The following MIS18BP1 variants were observed in gnomAD, a reference collection of about 807,000 sequenced individuals.
MIS18BP1 encodes MIS18 binding protein 1, also known as mis18-binding protein 1.
In MIS18BP1, 72 loss-of-function variants were observed where a neutral mutation model predicts 116.1. The observed-to-expected ratio is 0.62, with a 90% CI of 0.51 to 0.75. The LOEUF (loss-of-function observed/expected upper bound fraction) is 0.75. Ranked by LOEUF, MIS18BP1 falls within the 30% of genes least tolerant of loss-of-function variation. MIS18BP1 has a pLI of 0.00. For missense variants in MIS18BP1, 1,363 were observed against 1,303.2 expected (o/e 1.05, Z -0.71); for synonymous variants, 386 against 427.0 (o/e 0.90, Z 1.18).
chr14:45,252,742 A>G (rs1891913052), intron 1 of MIS18BP1, among the ~76,000 whole-genome samples: 1 of 151,848 alleles, frequency 6.6e-6, no homozygotes, highest in African/African-American at 2.4e-5. Flanking sequence ...GGTACTGAGG[A>G]ATACAATTTT....
rs747867519 is a variant in MIS18BP1 at position 45,227,716 on chromosome 14, C to T, written c.1693G>A (p.Asp565Asn). ...TTTTGAATAGTATTATTTACTTGGT[C>T]ATCTGGGAACCTTAATGTTGGTTTA... is the stretch of plus-strand genomic sequence containing the variant. ...QNKPTLRFPD[D>N]QVNNTIQNGG... is the part of the protein sequence containing the mutation. Residue 565 changes from aspartate to asparagine, a missense_variant, in exon 9 of 17, where the codon GAC becomes AAC. Physicochemically the swap from Asp to Asn is conservative, Grantham distance 23 (BLOSUM62 1). Coordinates refer to ENST00000310806, the MANE Select transcript of MIS18BP1 (RefSeq NM_018353.5). The T allele has an allele frequency of 6.8e-6, 11 of 1,613,700 alleles. No individual in the cohort carries two copies. Among genetic ancestry groups the T allele is most frequent in the Non-Finnish European group, 9.3e-6 (11 of 1,179,788 alleles).
Position 45,224,493 on chromosome 14 carries a change from A to G in MIS18BP1, c.2094T>C (p.Thr698=). The change falls in exon 11 of 17, where the codon ACT becomes ACC. Residue 698 remains threonine, a synonymous_variant. Coordinates refer to ENST00000310806, the MANE Select transcript of MIS18BP1 (RefSeq NM_018353.5). The stretch of plus-strand genomic sequence containing the variant: ...TATGACCTTCAAATGTATTTTCTAA[A>G]GTCCCCATGGACTTGCTGATGGGAC... The part of the protein sequence containing the change: ...KKSPISKSMG[T]LENTFEGHKS... The G allele has an allele frequency of 6.2e-7, 1 of 1,613,648 alleles. No homozygotes were observed. The highest frequency in any genetic ancestry group is 2.2e-5 in the East Asian group (1 of 44,860).
In MIS18BP1 at chr14:45,242,531, C is replaced by A. The variant is rs752295882; in HGVS notation, c.659-13G>T. On this transcript the variant is annotated splice_polypyrimidine_tract_variant and intron_variant, in intron 3 of 16. Coordinates refer to ENST00000310806, the MANE Select transcript of MIS18BP1 (RefSeq NM_018353.5). ...AGAGTTGGAAGTTCTGCAAAAAATACAAAACAAAACAAAACAAAACAATTA... is the reference window on the plus strand; with the variant it reads ...AGAGTTGGAAGTTCTGCAAAAAATAAAAAACAAAACAAAACAAAACAATTA... 2 of 1,542,924 alleles carry A rather than the reference C, an allele frequency of 1.3e-6. No individual in the cohort carries two copies. The highest frequency in any genetic ancestry group is 1.7e-6 in the Non-Finnish European group (2 of 1,152,156).
chr14:45,213,457 T>G (rs567015983), intron 13 of MIS18BP1, among the ~76,000 whole-genome samples: 8 of 152,206 alleles, frequency 5.3e-5, no homozygotes, highest in South Asian at 2.1e-4. Flanking sequence ...TTCTCTTGTG[T>G]AAAACAGAGA....
chr14:45,242,909 A>T (rs750234139), intron 2 of MIS18BP1, 35 bp from the exon 3 acceptor site: 1 of 1,396,080 alleles, frequency 7.2e-7, no homozygotes, highest in Admixed American at 2.1e-5. Flanking sequence ...GAAGAAGTTG[A>T]ATTGTATTAG....
At chr14:45,226,353 G>A (rs544608400) in intron 10 of MIS18BP1, among the ~76,000 whole-genome samples, 1 of 152,086 alleles carries the variant, frequency 6.6e-6, no homozygotes, top group Non-Finnish European at 1.5e-5. Flanking sequence ...ACATTTAGAC[G>A]AAAGCCTCTA....
At chr14:45,251,983 G>A (rs1891886977) in intron 1 of MIS18BP1, among the ~76,000 whole-genome samples, 2 of 152,118 alleles carry the variant, frequency 1.3e-5, no homozygotes, top group South Asian at 4.1e-4. Flanking sequence ...GATATTTACT[G>A]AATATTTACA....
At position 45,226,797 on chromosome 14, in the gene MIS18BP1, T is replaced by G; in HGVS notation, c.1786A>C (p.Lys596Gln). 7.1e-7 allele frequency: 1 copy of G among 1,416,628 alleles called. No individual in the cohort carries two copies. The highest frequency in any genetic ancestry group is 1.5e-5 in the African/African-American group (1 of 68,642). The allele number at this position is 1,416,628 out of a possible 1,614,324, so 87.8% of individuals were successfully genotyped here. ...TTTGTTCTTTCACCAATTTTTAGTT[T>G]CTTTGAAGACATTTTATATTCTTTT... is the stretch of plus-strand genomic sequence containing the variant. ...GKKEYKMSSK[K>Q]LKIGERTNER... is the part of the protein sequence containing the mutation. The change falls in exon 10 of 17, where the codon AAA (lysine) becomes CAA (glutamine). Residue 596 changes from lysine to glutamine, a missense_variant. Physicochemically the swap from Lys to Gln is moderately conservative, Grantham distance 53. Coordinates refer to ENST00000310806, the MANE Select transcript of MIS18BP1 (RefSeq NM_018353.5).
intron 10 of MIS18BP1, among the ~76,000 whole-genome samples, chr14:45,225,817 T>C (rs1566811073): frequency 1.3e-5 from 2 of 152,194 alleles, no homozygotes; most frequent in East Asian, 1.9e-4. Flanking sequence ...CCCACTGTCA[T>C]AGAAACATAT....
chr14:45,216,680 T>C (rs932952347), intron 13 of MIS18BP1, among the ~76,000 whole-genome samples: 1 of 152,226 alleles, frequency 6.6e-6, no homozygotes, highest in Non-Finnish European at 1.5e-5. Flanking sequence ...CTACTATCAC[T>C]TAATCCCTCC....
chr14:45,210,650 A>G (rs1259727181), intron 13 of MIS18BP1, 122 bp from the exon 14 acceptor site: 6 of 1,197,820 alleles, frequency 5.0e-6, no homozygotes, highest in Non-Finnish European at 2.4e-6. Flanking sequence ...TAGATAATTA[A>G]AAACAGTAGT....
In MIS18BP1 at chr14:45,232,816, A is replaced by G; in HGVS notation, c.1353T>C (p.Tyr451=). The G allele has an allele frequency of 1.4e-6, 2 of 1,379,572 alleles. No homozygotes were observed. Among genetic ancestry groups the G allele is most frequent in the Non-Finnish European group, 2.0e-6 (2 of 996,782 alleles). The allele number at this position is 1,379,572 out of a possible 1,614,324, so 85.5% of individuals were successfully genotyped here. A position where few individuals can be genotyped will look rare whatever the true frequency, so the allele number is the denominator to read the frequency against. The change falls in exon 7 of 17, where the codon TAT becomes TAC. Residue 451 remains tyrosine (Y), a synonymous_variant. Coordinates refer to ENST00000310806, the MANE Select transcript of MIS18BP1 (RefSeq NM_018353.5). ...TAAATTTCCTTATGAGATAATTTGG[A>G]TATCCTATTTAAGGATAAACAACAA... The part of the protein sequence containing the change: ...IDQISMKEAG[Y]PNYLIRKFMF...
At chr14:45,212,135 G>A (rs1201130391) in intron 13 of MIS18BP1, among the ~76,000 whole-genome samples, 3 of 152,194 alleles carry the variant, frequency 2.0e-5, no homozygotes, top group African/African-American at 7.2e-5. Flanking sequence ...GAGGCAAGGA[G>A]TTTGGAACTC....
chr14:45,204,131 AAAT>A lies in MIS18BP1; in HGVS notation c.3374_3376del (p.Tyr1125del), dbSNP rs1473141575. 1.9e-6 allele frequency: 3 copies of A among 1,609,350 alleles called. No individual in the cohort carries two copies. Among genetic ancestry groups the A allele is most frequent in the Admixed American group, 1.7e-5 (1 of 59,086 alleles). On this transcript the variant is annotated inframe_deletion, in exon 17 of 17. Transcript: ENST00000310806. Reference sequence around the variant, plus strand: ...TTACTATGCAGAATCAGAGTTCGAAAAATAATAATCTTTCTCTTCTTCATCTAA... The same window carrying A: ...TTACTATGCAGAATCAGAGTTCGAAAAATAATCTTTCTCTTCTTCATCTAA...
intron 2 of MIS18BP1, 116 bp from the exon 3 acceptor site, chr14:45,242,990 T>C (rs764608855): frequency 8.5e-5 from 54 of 637,748 alleles, no homozygotes; most frequent in Non-Finnish European, 1.3e-4. Flanking sequence ...ATCAGACCAG[T>C]ATAGTACTTT....
intron 8 of MIS18BP1, among the ~76,000 whole-genome samples, chr14:45,228,777 G>A (rs1377685810): frequency 1.3e-5 from 2 of 152,110 alleles, no homozygotes; most frequent in East Asian, 1.9e-4. Context: ...CATATACTCT[G>A]GTAAGTGTAA....
At chr14:45,219,462 A>G (rs557439996) in intron 11 of MIS18BP1, among the ~76,000 whole-genome samples, 1 of 152,308 alleles carries the variant, frequency 6.6e-6, no homozygotes, top group East Asian at 1.9e-4. Context: ...TAGTATTTCC[A>G]CCATACCACA....
At chr14:45,248,930 G>T (rs886938125) in intron 1 of MIS18BP1, among the ~76,000 whole-genome samples, 3 of 152,108 alleles carry the variant, frequency 2.0e-5, no homozygotes, top group Non-Finnish European at 4.4e-5. Flanking sequence ...TTATTTTTGA[G>T]ACAGTGTCTC....
chr14:45,247,456 T>A, intron 1 of MIS18BP1, 79 bp from the exon 2 acceptor site: 1 of 513,884 alleles, frequency 1.9e-6, no homozygotes, highest in African/African-American at 2.0e-5. Flanking sequence ...TCCACAACAT[T>A]ATACTAATTA....
Sources: gnomAD v4.1 joint callset for allele counts (sites outside exome capture counted in the v4.1 genomes callset) on GRCh38, gnomAD v4.1.1 for gene constraint, MANE v1.5 for transcripts, NCBI Gene and HGNC (gene_info 2026-07-23, HGNC 2026-07-21) for gene names.